The following CADM1 variants were observed in gnomAD, a reference collection of about 807,000 sequenced individuals.
The protein encoded by CADM1 is TSLC-1.
Under a neutral mutation model 53.1 loss-of-function variants are expected in CADM1, and 15 were observed. That is an observed-to-expected ratio of 0.28 (90% CI 0.19 to 0.44). The LOEUF (loss-of-function observed/expected upper bound fraction) is 0.44, where lower values mean the gene tolerates loss of function less well. Ranked by LOEUF, CADM1 falls within the 20% of genes least tolerant of loss-of-function variation. The pLI is 1.00. For synonymous variants in CADM1, 281 were observed against 243.0 expected (o/e 1.16, Z -1.45); for missense variants, 434 against 611.3 (o/e 0.71, Z 3.06).
intron 1 of CADM1, among the ~76,000 whole-genome samples, chr11:115,367,244 T>G (rs1162452705): frequency 1.3e-5 from 2 of 152,180 alleles, no homozygotes; most frequent in Non-Finnish European, 2.9e-5. Flanking sequence ...TCATCATATA[T>G]GTAAGAATTT....
chr11:115,183,319 G>A (rs1451123954), intron 10 of CADM1, among the ~76,000 whole-genome samples: 10 of 152,218 alleles, frequency 6.6e-5, no homozygotes, highest in Non-Finnish European at 1.3e-4. Flanking sequence ...AAGAGATCCT[G>A]GTTTCTATGG....
At chr11:115,369,122 A>G (rs1946250687) in intron 1 of CADM1, among the ~76,000 whole-genome samples, 2 of 150,512 alleles carry the variant, frequency 1.3e-5, no homozygotes, top group Admixed American at 6.7e-5. Context: ...TTATAAAGGC[A>G]TCAGGGAATC....
At chr11:115,338,605 A>C (rs143475492) in intron 1 of CADM1, among the ~76,000 whole-genome samples, 257 of 152,208 alleles carry the variant, frequency 1.7e-3, no homozygotes, top group African/African-American at 5.7e-3. Context: ...CCACTGACCA[A>C]CGGCAGATGC....
At chr11:115,385,649 A>G (rs1274182100) in intron 1 of CADM1, among the ~76,000 whole-genome samples, 1 of 147,104 alleles carries the variant, frequency 6.8e-6, no homozygotes, top group Non-Finnish European at 1.5e-5. Context: ...AAAAAAAAAA[A>G]GCCCGCCACA....
intron 1 of CADM1, among the ~76,000 whole-genome samples, chr11:115,426,068 G>C (rs932235787): frequency 6.6e-6 from 1 of 152,198 alleles, no homozygotes; most frequent in African/African-American, 2.4e-5. Context: ...AGGTGACAAG[G>C]AGGCAGGAGG....
At chr11:115,363,446 A>G (rs1312476503) in intron 1 of CADM1, among the ~76,000 whole-genome samples, 1 of 152,212 alleles carries the variant, frequency 6.6e-6, no homozygotes, top group Admixed American at 6.5e-5. Context: ...TGGGTTAAGG[A>G]TTCAGAAACT....
chr11:115,483,207 G>A (rs546429125), intron 1 of CADM1, among the ~76,000 whole-genome samples: 8 of 152,294 alleles, frequency 5.3e-5, no homozygotes, highest in East Asian at 1.9e-4. Flanking sequence ...AATTCAGAAC[G>A]TTTAAGAACT....
At chr11:115,498,797 T>C (rs1405915765) in intron 1 of CADM1, among the ~76,000 whole-genome samples, 2 of 152,138 alleles carry the variant, frequency 1.3e-5, no homozygotes, top group South Asian at 2.1e-4. Flanking sequence ...ATAATAATAC[T>C]GTGATAAGGA....
At chr11:115,227,971 T>G (rs1162500048) in intron 5 of CADM1, among the ~76,000 whole-genome samples, 1 of 152,216 alleles carries the variant, frequency 6.6e-6, no homozygotes, top group Non-Finnish European at 1.5e-5. Context: ...GAAATCAGCT[T>G]AAGGATCTCA....
chr11:115,313,473 A>C (rs1378582070), intron 1 of CADM1, among the ~76,000 whole-genome samples: 1 of 152,156 alleles, frequency 6.6e-6, no homozygotes, highest in Admixed American at 6.6e-5. Flanking sequence ...AGAAACCTAA[A>C]GGGGGGAAAT....
intron 9 of CADM1, among the ~76,000 whole-genome samples, chr11:115,195,542 A>G (rs1370634894): frequency 5.3e-5 from 8 of 152,226 alleles, no homozygotes; most frequent in African/African-American, 1.4e-4. Context: ...AAGTTATCAA[A>G]CCTTTCAACA....
intron 8 of CADM1, among the ~76,000 whole-genome samples, chr11:115,206,232 T>TGAAC (rs1940670773): frequency 6.6e-6 from 1 of 152,232 alleles, no homozygotes; most frequent in Non-Finnish European, 1.5e-5. Context: ...AATTGTAAGA[T>TGAAC]GAACCATCAT....
chr11:115,432,005 C>A (rs1471309172), intron 1 of CADM1, among the ~76,000 whole-genome samples: 2 of 151,796 alleles, frequency 1.3e-5, no homozygotes, highest in Non-Finnish European at 2.9e-5. Flanking sequence ...AGGGCAGTGG[C>A]GTGATCTCGG....
At chr11:115,457,596 T>A (rs560701441) in intron 1 of CADM1, among the ~76,000 whole-genome samples, 43 of 152,308 alleles carry the variant, frequency 2.8e-4, no homozygotes, top group African/African-American at 9.4e-4. Flanking sequence ...TCCCATTTAT[T>A]TAAATAATTA....
rs115940341 is a variant in CADM1, at chr11:115,424,273, G to C, written c.124+79998C>G. ...TAACAGAGTCGGGTCCTGTATGCCA[G>C]ATTTCTGTGTGTCATCACAGGTCTC... On this transcript the variant is annotated intron_variant, in intron 1 of 11. Coordinates refer to ENST00000331581, the MANE Select transcript of CADM1 (RefSeq NM_001301043.2). 5.9e-3 allele frequency among the ~76,000 whole-genome samples: 904 copies of C among 152,320 alleles called. 9 individuals carry two copies. Among genetic ancestry groups the C allele is most frequent in the African/African-American group, 0.021 (866 of 41,574 alleles).
chr11:115,480,824 G>T (rs1453557455), intron 1 of CADM1, among the ~76,000 whole-genome samples: 2 of 152,060 alleles, frequency 1.3e-5, no homozygotes, highest in Non-Finnish European at 1.5e-5. Context: ...CCAGGCCTCA[G>T]CCCTGCAGGG....
intron 1 of CADM1, among the ~76,000 whole-genome samples, chr11:115,424,950 T>C (rs1403998579): frequency 6.6e-6 from 1 of 152,178 alleles, no homozygotes; most frequent in Non-Finnish European, 1.5e-5. Context: ...TATGTGCAGA[T>C]TGTTTTAATG....
chr11:115,393,050 G>A (rs867658869), intron 1 of CADM1, among the ~76,000 whole-genome samples: 7 of 118,430 alleles, frequency 5.9e-5, no homozygotes, highest in Non-Finnish European at 8.2e-5. Flanking sequence ...GCAACATAGC[G>A]AGACCCCATC....
intron 1 of CADM1, among the ~76,000 whole-genome samples, chr11:115,369,884 G>GA (rs1484698217): frequency 6.6e-6 from 1 of 152,098 alleles, no homozygotes; most frequent in Non-Finnish European, 1.5e-5. Context: ...TGCTGCCACG[G>GA]AAAAAAGACT....
Sources: gnomAD v4.1 joint callset for allele counts (sites outside exome capture counted in the v4.1 genomes callset) on GRCh38, gnomAD v4.1.1 for gene constraint, MANE v1.5 for transcripts, NCBI Gene and HGNC (gene_info 2026-07-23, HGNC 2026-07-21) for gene names.